The following RELN variants were observed in gnomAD, a reference collection of about 807,000 sequenced individuals.
RELN encodes reelin.
Under a neutral mutation model 427.6 loss-of-function variants are expected in RELN, and 108 were observed. That is an observed-to-expected ratio of 0.25 (90% CI 0.22 to 0.30). The LOEUF (loss-of-function observed/expected upper bound fraction) is 0.30, where lower values mean the gene tolerates loss of function less well. RELN is among the 10% of genes least tolerant of loss of function. The pLI is 1.00. For synonymous variants in RELN, 1,524 were observed against 1,513.4 expected (o/e 1.01, Z -0.16); for missense variants, 3,715 against 4,302.8 (o/e 0.86, Z 3.82).
intron 2 of RELN, among the ~76,000 whole-genome samples, chr7:103,891,143 C>T (rs1361931135): frequency 6.6e-6 from 1 of 152,104 alleles, no homozygotes; most frequent in East Asian, 1.9e-4. Flanking sequence ...TGTTTATTTG[C>T]TAGAGAAGAC....
chr7:103,676,761 C>G (rs928491204), intron 11 of RELN, among the ~76,000 whole-genome samples: 1 of 151,334 alleles, frequency 6.6e-6, no homozygotes, highest in African/African-American at 2.4e-5. Context: ...AAACTGGAAA[C>G]CATCATTCTC....
At chr7:103,889,875 T>C (rs1197708387) in intron 2 of RELN, among the ~76,000 whole-genome samples, 1 of 152,120 alleles carries the variant, frequency 6.6e-6, no homozygotes, top group East Asian at 1.9e-4. Context: ...TCCAAGCAGG[T>C]AGCACAACAC....
At chr7:103,662,522 T>C (rs1833165939) in intron 11 of RELN, among the ~76,000 whole-genome samples, 1 of 149,546 alleles carries the variant, frequency 6.7e-6, no homozygotes, top group South Asian at 2.1e-4. Flanking sequence ...CTCGGGAGGC[T>C]GAGGCTGGAG....
At chr7:103,503,621 G>A (rs1286130490) in intron 51 of RELN, among the ~76,000 whole-genome samples, 11 of 152,084 alleles carry the variant, frequency 7.2e-5, no homozygotes. Context: ...CTATTTTGTT[G>A]TACAATTTAT....
intron 1 of RELN, among the ~76,000 whole-genome samples, chr7:103,980,030 G>A (rs571886500): frequency 6.6e-6 from 1 of 151,986 alleles, no homozygotes; most frequent in African/African-American, 2.4e-5. Context: ...GTGTGGTGGC[G>A]CATGCCTATA....
intron 24 of RELN, among the ~76,000 whole-genome samples, chr7:103,601,382 A>G (rs1049257203): frequency 2.0e-5 from 3 of 152,192 alleles, no homozygotes; most frequent in Non-Finnish European, 4.4e-5. Context: ...ATAATCCTCT[A>G]TCTTGTTTAC....
Position 103,535,496 on chromosome 7 carries a change from A to G in RELN, c.7181-12T>C. 6.2e-7 allele frequency: 1 copy of G among 1,612,862 alleles called. No individual in the cohort carries two copies. The highest frequency in any genetic ancestry group is 1.3e-5 in the African/African-American group (1 of 75,000). ...TTCCAATTCAATCGCTGAAACAGGA[A>G]ACATTATTTTGGATATAAACACATA... On this transcript the variant is annotated splice_polypyrimidine_tract_variant and intron_variant, in intron 45 of 64. Transcript: ENST00000428762.
At chr7:103,732,259 C>T (rs1790372947) in intron 6 of RELN, among the ~76,000 whole-genome samples, 1 of 152,034 alleles carries the variant, frequency 6.6e-6, no homozygotes, top group Non-Finnish European at 1.5e-5. Flanking sequence ...AAGAATGAAT[C>T]CCTGGGGAAC....
At chr7:103,964,663 TA>T (rs1225563694) in intron 1 of RELN, among the ~76,000 whole-genome samples, 1 of 152,212 alleles carries the variant, frequency 6.6e-6, no homozygotes, top group East Asian at 1.9e-4. Flanking sequence ...AAATTTAAAG[TA>T]AAAAATAAAG....
chr7:103,602,105 A>G lies in RELN; in HGVS notation c.3333+1199T>C, dbSNP rs574718899. On this transcript the variant is annotated intron_variant, in intron 24 of 64. Coordinates refer to ENST00000428762, the MANE Select transcript of RELN (RefSeq NM_005045.4). ...TTCTTCCAATCATATTCCTAAAATT[A>G]ATGGATTGACAGATTTAATAAACAC... is the stretch of plus-strand genomic sequence containing the variant. 4.0e-4 allele frequency among the ~76,000 whole-genome samples: 61 copies of G among 152,304 alleles called. No homozygotes were observed. The South Asian group carries it at 0.012, about 31-fold the overall frequency.
chr7:103,639,368 T>C (rs1832649713), intron 17 of RELN, among the ~76,000 whole-genome samples: 1 of 151,884 alleles, frequency 6.6e-6, no homozygotes, highest in Non-Finnish European at 1.5e-5. Context: ...AGCGCTTGGC[T>C]CATACATGCA....
intron 8 of RELN, among the ~76,000 whole-genome samples, chr7:103,714,490 T>C (rs1033863152): frequency 1.3e-5 from 2 of 152,246 alleles, no homozygotes; most frequent in African/African-American, 2.4e-5. Context: ...GGGAATGCGG[T>C]TGAGTCAACG....
chr7:103,572,150 T>C (rs778000527), intron 31 of RELN, 34 bp downstream of exon 31: 10 of 1,250,268 alleles, frequency 8.0e-6, no homozygotes, highest in Admixed American at 3.4e-5. Context: ...CTGCCAATAG[T>C]AACTGTAATT....
At chr7:103,685,222 T>G (rs1833740666) in intron 10 of RELN, among the ~76,000 whole-genome samples, 1 of 152,162 alleles carries the variant, frequency 6.6e-6, no homozygotes, top group Admixed American at 6.6e-5. Context: ...AAAAGAATTT[T>G]AAAAAATTGG....
chr7:103,590,454 G>C (rs1230392285), intron 27 of RELN, among the ~76,000 whole-genome samples: 1 of 151,930 alleles, frequency 6.6e-6, no homozygotes, highest in East Asian at 1.9e-4. Context: ...CCAGCTACTC[G>C]GGAGGCTGAG....
At chr7:103,487,941 C>T (rs542154452) in intron 60 of RELN, among the ~76,000 whole-genome samples, 4 of 147,506 alleles carry the variant, frequency 2.7e-5, no homozygotes, top group Non-Finnish European at 4.4e-5. Flanking sequence ...GTCAGGAGTT[C>T]GAGTCCAGCC....
intron 46 of RELN, among the ~76,000 whole-genome samples, chr7:103,531,100 C>T (rs375801071): frequency 3.9e-5 from 6 of 152,284 alleles, no homozygotes; most frequent in African/African-American, 1.4e-4. Context: ...ATGTGGTTAA[C>T]TCATAAAAGT....
intron 15 of RELN, among the ~76,000 whole-genome samples, chr7:103,651,144 C>T (rs1242879595): frequency 1.3e-5 from 2 of 152,062 alleles, no homozygotes; most frequent in African/African-American, 2.4e-5. Context: ...TTTTGCCATT[C>T]TTGCAAATAT....
At chr7:103,860,494 A>C (rs1019859529) in intron 2 of RELN, among the ~76,000 whole-genome samples, 3 of 152,174 alleles carry the variant, frequency 2.0e-5, no homozygotes, top group African/African-American at 7.2e-5. Flanking sequence ...TTAGGCTAAA[A>C]ATAATAATAA....
Sources: allele counts gnomAD v4.1 joint callset (sites outside exome capture counted in the v4.1 genomes callset), GRCh38; gene constraint gnomAD v4.1.1; transcripts MANE v1.5; gene names NCBI Gene and HGNC (gene_info 2026-07-23, HGNC 2026-07-21).